STXBP5L: variants seen among roughly 807,000 people sequenced by gnomAD.
STXBP5L encodes the protein syntaxin binding protein 5L.
In STXBP5L, 65 loss-of-function variants were observed where a neutral mutation model predicts 144.5. That is an observed-to-expected ratio of 0.45 (90% confidence interval 0.37 to 0.55). The LOEUF is 0.55. Ranked by LOEUF, STXBP5L falls within the 20% of genes least tolerant of loss-of-function variation. STXBP5L has a pLI of 0.00. For synonymous variants in STXBP5L, 505 were observed against 469.6 expected (o/e 1.08, Z -0.97); for missense variants, 1,298 against 1,405.5 (o/e 0.92, Z 1.22).
intron 20 of STXBP5L, chr3:121,324,571 T>C (rs1198374388): frequency 1.4e-6 from 1 of 691,946 alleles, no homozygotes; most frequent in Non-Finnish European, 2.6e-6. Flanking sequence ...AGGAATCAAG[T>C]ATATCACTTG....
chr3:120,969,356 T>C (rs1437171422), intron 3 of STXBP5L, among the ~76,000 whole-genome samples: 2 of 151,784 alleles, frequency 1.3e-5, no homozygotes, highest in African/African-American at 4.8e-5. Context: ...GAGAATTATC[T>C]ATTCATGTCC....
At chr3:121,181,441 C>G (rs190283038) in intron 9 of STXBP5L, among the ~76,000 whole-genome samples, 8 of 152,210 alleles carry the variant, frequency 5.3e-5, no homozygotes, top group African/African-American at 1.9e-4. Context: ...ATGGATAAAA[C>G]CTCACCAACC....
chr3:120,971,799 C>CAT (rs199519593), intron 3 of STXBP5L, among the ~76,000 whole-genome samples: 1,692 of 149,594 alleles, frequency 0.011, 11 homozygotes, highest in Non-Finnish European at 0.015. Flanking sequence ...TATATACACA[C>CAT]ATATATATAT....
intron 3 of STXBP5L, among the ~76,000 whole-genome samples, chr3:120,996,551 C>T (rs1038317641): frequency 3.9e-5 from 6 of 151,986 alleles, no homozygotes; most frequent in Admixed American, 3.9e-4. Context: ...CTAAATTAAA[C>T]CTCTAAAACT....
chr3:121,327,318 C>T (rs531318164), intron 20 of STXBP5L, among the ~76,000 whole-genome samples: 43 of 152,214 alleles, frequency 2.8e-4, no homozygotes, highest in African/African-American at 1.0e-3. Flanking sequence ...TGGTAAGCCA[C>T]CAAACTGTTG....
At chr3:121,336,923 A>G (rs1436281058) in intron 20 of STXBP5L, among the ~76,000 whole-genome samples, 1 of 152,226 alleles carries the variant, frequency 6.6e-6, no homozygotes, top group Non-Finnish European at 1.5e-5. Flanking sequence ...CACAGCCATA[A>G]AAAAGAATGA....
intron 8 of STXBP5L, among the ~76,000 whole-genome samples, chr3:121,152,980 G>A (rs1194138861): frequency 6.6e-6 from 1 of 151,888 alleles, no homozygotes; most frequent in African/African-American, 2.4e-5. Flanking sequence ...CCTTTTCAGT[G>A]GCAAGAAGTT....
chr3:121,290,818 A>G (rs765459192), intron 19 of STXBP5L, among the ~76,000 whole-genome samples: 1 of 152,174 alleles, frequency 6.6e-6, no homozygotes, highest in African/African-American at 2.4e-5. Flanking sequence ...ATCTCAATAG[A>G]TGCAGAAAAA....
chr3:120,990,526 C>T (rs1188097762), intron 3 of STXBP5L, among the ~76,000 whole-genome samples: 2 of 152,122 alleles, frequency 1.3e-5, no homozygotes, highest in African/African-American at 4.8e-5. Context: ...AACAACAAAG[C>T]TGGAGGCATC....
At chr3:121,148,188 A>G (rs1471574139) in intron 7 of STXBP5L, among the ~76,000 whole-genome samples, 1 of 152,134 alleles carries the variant, frequency 6.6e-6, no homozygotes, top group East Asian at 1.9e-4. Context: ...AAGAATAGAA[A>G]ACAAAAATTT....
intron 5 of STXBP5L, among the ~76,000 whole-genome samples, chr3:121,112,061 C>G (rs1261026457): frequency 6.6e-6 from 1 of 152,126 alleles, no homozygotes; most frequent in Non-Finnish European, 1.5e-5. Flanking sequence ...TGAGTCCAAA[C>G]CGCTCAGTCT....
chr3:120,933,767 G>A (rs1710096603), intron 2 of STXBP5L, among the ~76,000 whole-genome samples: 1 of 152,046 alleles, frequency 6.6e-6, no homozygotes, highest in Admixed American at 6.6e-5. Flanking sequence ...TGATATGGGA[G>A]GAACTATGAT....
chr3:121,245,253 A>G (rs2049808190), intron 14 of STXBP5L, among the ~76,000 whole-genome samples: 1 of 151,924 alleles, frequency 6.6e-6, no homozygotes, highest in African/African-American at 2.4e-5. Flanking sequence ...TGGTATAACT[A>G]GAAGATATTT....
At chr3:121,079,672 C>T (rs1370262489) in intron 5 of STXBP5L, among the ~76,000 whole-genome samples, 1 of 152,078 alleles carries the variant, frequency 6.6e-6, no homozygotes, top group Non-Finnish European at 1.5e-5. Context: ...AGTTTTATTG[C>T]ATTGTGGTCT....
intron 3 of STXBP5L, among the ~76,000 whole-genome samples, chr3:121,025,489 T>C (rs1185198671): frequency 1.3e-5 from 2 of 152,160 alleles, no homozygotes; most frequent in East Asian, 3.8e-4. Context: ...ATATAGCAAT[T>C]ATCAGCTGAA....
chr3:121,243,660 T>G (rs1039018128), intron 14 of STXBP5L, among the ~76,000 whole-genome samples: 1 of 152,070 alleles, frequency 6.6e-6, no homozygotes, highest in African/African-American at 2.4e-5. Flanking sequence ...CCTCAAAATA[T>G]CTCACTTTTA....
intron 20 of STXBP5L, among the ~76,000 whole-genome samples, chr3:121,355,582 TC>T (rs1458128447): frequency 6.6e-6 from 1 of 152,170 alleles, no homozygotes; most frequent in Non-Finnish European, 1.5e-5. Context: ...ATTTAGCATT[TC>T]TTCTAACCTT....
At position 121,271,282 on chromosome 3, in the gene STXBP5L, C is replaced by T. The variant is rs748622170; in HGVS notation, c.1959-8523C>T. The stretch of plus-strand genomic sequence containing the variant: ...GTTTCTATCATTTGTGCCTGTGATG[C>T]TCTAATTCTTCCAGATTTGACCATA... On this transcript the variant is annotated intron_variant, in intron 18 of 26. Coordinates refer to ENST00000471454, the MANE Select transcript of STXBP5L (RefSeq NM_001308330.2). Among the ~76,000 whole-genome samples, 74 of 152,256 alleles carry T rather than the reference C, an allele frequency of 4.9e-4. 1 individual carries two copies. The highest frequency in any genetic ancestry group is 9.6e-4 in the Non-Finnish European group (65 of 68,014).
intron 3 of STXBP5L, among the ~76,000 whole-genome samples, chr3:121,002,351 T>G (rs1943853778): frequency 6.6e-6 from 1 of 152,214 alleles, no homozygotes. Context: ...GTTGTGTGTC[T>G]TCTTTGGAAA....
Sources: allele counts gnomAD v4.1 joint callset (sites outside exome capture counted in the v4.1 genomes callset), GRCh38; gene constraint gnomAD v4.1.1; transcripts MANE v1.5; gene names NCBI Gene and HGNC (gene_info 2026-07-23, HGNC 2026-07-21).